PPARD: variants seen among roughly 807,000 people sequenced by gnomAD.
The protein encoded by PPARD is peroxisome proliferator activated receptor delta.
A neutral mutation model predicts 39.5 loss-of-function variants in PPARD; 6 were observed. The observed-to-expected ratio is 0.15, with a 90% CI of 0.08 to 0.30. The LOEUF is 0.30. PPARD is among the 10% of genes least tolerant of loss of function. PPARD has a pLI of 1.00. For synonymous variants in PPARD, 210 were observed against 231.3 expected (o/e 0.91, Z 0.83); for missense variants, 397 against 596.8 (o/e 0.67, Z 3.49).
intron 2 of PPARD, among the ~76,000 whole-genome samples, chr6:35,385,078 G>A (rs1183203133): frequency 3.4e-5 from 5 of 146,290 alleles, no homozygotes; most frequent in South Asian, 2.1e-4. Context: ...CTGCCCGGCC[G>A]CCCCTACTGG....
At chr6:35,392,830 C>G (rs1177001094) in intron 2 of PPARD, among the ~76,000 whole-genome samples, 1 of 152,176 alleles carries the variant, frequency 6.6e-6, no homozygotes, top group African/African-American at 2.4e-5. Flanking sequence ...CAGCCATCCC[C>G]AGGGCCAGTA....
In PPARD at chr6:35,411,110, C is replaced by T. The variant is rs1330351838; in HGVS notation, c.23C>T (p.Ala8Val). 1.3e-6 allele frequency: 2 copies of T among 1,567,728 alleles called. No individual in the cohort carries two copies. The highest frequency in any genetic ancestry group is 1.7e-6 in the Non-Finnish European group (2 of 1,155,598). Reference protein sequence around the residue: MEQPQEEAPEVREEEEKE... With the variant: MEQPQEEVPEVREEEEKE... ...GCCATGGAGCAGCCACAGGAGGAAG[C>T]CCCTGAGGTCCGGGAAGAGGAGGAG... The change falls in exon 3 of 8, where the codon GCC becomes GTC. Residue 8 changes from alanine to valine, a missense_variant. Coordinates refer to ENST00000360694, the MANE Select transcript of PPARD (RefSeq NM_006238.5).
chr6:35,380,966 G>A (rs1219988138), intron 2 of PPARD, among the ~76,000 whole-genome samples: 2 of 151,972 alleles, frequency 1.3e-5, no homozygotes, highest in Non-Finnish European at 2.9e-5. Flanking sequence ...TCTCTCCACC[G>A]CTCCATCTCT....
intron 2 of PPARD, among the ~76,000 whole-genome samples, chr6:35,355,824 G>C (rs182495298): frequency 6.6e-6 from 1 of 151,628 alleles, no homozygotes; most frequent in Non-Finnish European, 1.5e-5. Context: ...TGTTAGCCAG[G>C]ATGGTCTCGA....
rs1405239751 is a variant in PPARD at position 35,366,323 on chromosome 6, G to A, written c.-102+19173G>A. Among the ~76,000 whole-genome samples the A allele has an allele frequency of 1.3e-5, 2 of 151,686 alleles. No homozygotes were observed. The highest frequency in any genetic ancestry group is 2.9e-5 in the Non-Finnish European group (2 of 68,036). ...GGCAACAGATGGAGCCATGATTGTGGACAATCTTACATACTTAGCTGAGAG... is the reference window on the plus strand; with the variant it reads ...GGCAACAGATGGAGCCATGATTGTGAACAATCTTACATACTTAGCTGAGAG... On this transcript the variant is annotated intron_variant, in intron 2 of 7. Transcript: ENST00000360694. The surrounding 1 kb of genome is among the most constrained non-coding windows in gnomAD (Gnocchi z 4.6).
chr6:35,376,228 A>G (rs1183723725), intron 2 of PPARD, among the ~76,000 whole-genome samples: 1 of 152,126 alleles, frequency 6.6e-6, no homozygotes, highest in Non-Finnish European at 1.5e-5. Context: ...TTCTTTCTTA[A>G]GTTCTGGAAA....
rs1255441385 is a variant in PPARD at position 35,425,238 on chromosome 6, C to CT, written c.1078+459_1078+460insT. ...GCAGTGAGCCAAAATCCCACCACTG[C>CT]ACTCCAGCCTGGGTGACAGAGTGAG... On this transcript the variant is annotated intron_variant, in intron 7 of 7. Transcript: ENST00000360694. The surrounding 1 kb of genome is among the most constrained non-coding windows in gnomAD (Gnocchi z 4.5). 4.0e-6 allele frequency: 4 copies of CT among 994,314 alleles called. No individual in the cohort carries two copies. Among genetic ancestry groups the CT allele is most frequent in the African/African-American group, 1.7e-5 (1 of 57,526 alleles). The allele number at this position is 994,314 out of a possible 1,614,324, so 61.6% of individuals were successfully genotyped here.
intron 3 of PPARD, among the ~76,000 whole-genome samples, chr6:35,413,268 G>A (rs1765546398): frequency 6.6e-6 from 1 of 152,230 alleles, no homozygotes; most frequent in Non-Finnish European, 1.5e-5. Context: ...TTAGGGCACA[G>A]CGGGAAACGT....
intron 2 of PPARD, among the ~76,000 whole-genome samples, chr6:35,361,238 A>T (rs918811351): frequency 6.6e-6 from 1 of 152,178 alleles, no homozygotes; most frequent in African/African-American, 2.4e-5. Flanking sequence ...ATGAGCTCAT[A>T]CATGTAAAGG....
chr6:35,375,987 T>C (rs1762793835), intron 2 of PPARD, among the ~76,000 whole-genome samples: 1 of 152,258 alleles, frequency 6.6e-6, no homozygotes, highest in South Asian at 2.1e-4. Flanking sequence ...TATATTTCTC[T>C]GTATATGTAT....
At chr6:35,356,188 C>G (rs925291980) in intron 2 of PPARD, among the ~76,000 whole-genome samples, 4 of 152,162 alleles carry the variant, frequency 2.6e-5, no homozygotes, top group Non-Finnish European at 5.9e-5. Context: ...TAAAAGGTAT[C>G]TAACAGCTGA....
intron 2 of PPARD, among the ~76,000 whole-genome samples, chr6:35,348,209 G>GA (rs1761003165): frequency 6.6e-6 from 1 of 152,132 alleles, no homozygotes; most frequent in Non-Finnish European, 1.5e-5. Context: ...TGCCCAGCCG[G>GA]GAACAAATAT....
chr6:35,358,972 C>G (rs915905300), intron 2 of PPARD, among the ~76,000 whole-genome samples: 3 of 152,162 alleles, frequency 2.0e-5, no homozygotes, highest in Admixed American at 2.0e-4. Flanking sequence ...CTCTAGAAAA[C>G]TAAGCAGAAA....
In PPARD at chr6:35,424,196, C is replaced by T; in HGVS notation, c.627+48C>T. ...CTGGCAGCATCCTGGGCTCTGGGTC[C>T]CACTGCCGCCTGCCTGACTCCGGGA... On this transcript the variant is annotated intron_variant, in intron 6 of 7. Transcript: ENST00000360694. This position sits in a 1 kb window ranked among gnomAD's most constrained non-coding sequence, Gnocchi z 7.1. 1 of 1,604,286 alleles carries T rather than the reference C, an allele frequency of 6.2e-7. No homozygotes were observed. Among genetic ancestry groups the T allele is most frequent in the Non-Finnish European group, 8.5e-7 (1 of 1,175,598 alleles).
intron 3 of PPARD, among the ~76,000 whole-genome samples, chr6:35,413,281 A>G (rs966282650): frequency 2.2e-4 from 33 of 152,220 alleles, no homozygotes; most frequent in African/African-American, 6.8e-4. Flanking sequence ...GGAAACGTCC[A>G]GGGCAGAGGT....
intron 2 of PPARD, among the ~76,000 whole-genome samples, chr6:35,400,326 C>T (rs997388670): frequency 2.0e-5 from 3 of 152,206 alleles, no homozygotes; most frequent in Non-Finnish European, 2.9e-5. Flanking sequence ...CCAGTCAGAG[C>T]TTCCCTCAGA....
intron 4 of PPARD, among the ~76,000 whole-genome samples, chr6:35,420,819 CTTTTTTT>C (rs35852986): frequency 4.7e-5 from 4 of 85,708 alleles, no homozygotes; most frequent in Admixed American, 1.8e-4. Context: ...AACAAAGAAG[CTTTTTTT>C]TTTTTTTTTT....
At chr6:35,364,593 C>G (rs1329179806) in intron 2 of PPARD, among the ~76,000 whole-genome samples, 1 of 151,916 alleles carries the variant, frequency 6.6e-6, no homozygotes, top group Non-Finnish European at 1.5e-5. Flanking sequence ...GCCACCACGC[C>G]TGGCTAATTT....
intron 2 of PPARD, among the ~76,000 whole-genome samples, chr6:35,390,176 G>A (rs1458792367): frequency 6.6e-6 from 1 of 152,182 alleles, no homozygotes; most frequent in Non-Finnish European, 1.5e-5. Flanking sequence ...TAGAAGAAAG[G>A]GCCATTACAC....
Sources: allele counts gnomAD v4.1 joint callset (sites outside exome capture counted in the v4.1 genomes callset), GRCh38; gene constraint gnomAD v4.1.1; non-coding constraint Gnocchi (gnomAD v3.1); transcripts MANE v1.5; gene names NCBI Gene and HGNC (gene_info 2026-07-23, HGNC 2026-07-21).